Variants in MACF1 observed in about 807,000 individuals in gnomAD.
MACF1 encodes microtubule actin crosslinking factor 1.
In MACF1, 193 loss-of-function variants were observed where a neutral mutation model predicts 854.8. That is an observed-to-expected ratio of 0.23 (90% CI 0.20 to 0.25). The LOEUF (loss-of-function observed/expected upper bound fraction) is 0.25, where lower values mean the gene tolerates loss of function less well. MACF1 is among the 10% of genes least tolerant of loss of function. The pLI is 1.00. For missense variants in MACF1, 7,722 were observed against 8,929.1 expected, an observed-to-expected ratio of 0.86 and a Z score of 5.45; for synonymous variants, 3,185 against 3,226.7, an observed-to-expected ratio of 0.99 and a Z score of 0.44.
At chr1:39,110,686 A>G (rs1473204260) in intron 2 of MACF1, among the ~76,000 whole-genome samples, 1 of 152,194 alleles carries the variant, frequency 6.6e-6, no homozygotes, top group Non-Finnish European at 1.5e-5. Context: ...GGAAATCACA[A>G]GTTTTGGCCA....
chr1:39,360,018 T>A (rs1440387778), intron 47 of MACF1, among the ~76,000 whole-genome samples: 339 of 30,370 alleles, frequency 0.011, 4 homozygotes, highest in African/African-American at 0.023. Flanking sequence ...AAAAAATATA[T>A]ATATATATAT....
intron 2 of MACF1, among the ~76,000 whole-genome samples, chr1:39,241,492 T>A (rs913083971): frequency 6.6e-6 from 1 of 151,912 alleles, no homozygotes; most frequent in Non-Finnish European, 1.5e-5. Flanking sequence ...AAACCCCGTC[T>A]CTACTAAAAA....
rs192893727 is a variant in MACF1 at position 39,118,508 on chromosome 1, T to G, written c.220+34070T>G. Among the ~76,000 whole-genome samples the G allele has an allele frequency of 7.9e-5, 12 of 152,344 alleles. No homozygotes were observed. In the East Asian group the frequency reaches 1.5e-3, roughly 20 times the overall value. On this transcript the variant is annotated intron_variant, in intron 2 of 93. Transcript: ENST00000361689. ...GTAACACTGCCTTTATTAGGAAGAATGAGGAACTGCCAAAGGGCTGGAAAT... is the reference window on the plus strand; with the variant it reads ...GTAACACTGCCTTTATTAGGAAGAAGGAGGAACTGCCAAAGGGCTGGAAAT...
In MACF1 at chr1:39,332,262, C is replaced by T. The variant is rs1398543827; in HGVS notation, c.5674C>T (p.Pro1892Ser). The stretch of plus-strand genomic sequence containing the variant: ...ACAGCATATTAAGGCTCTGTTTCTA[C>T]CAGCAACCACAGAGATTTTGTCCTG... ...NRQHIKALFL[P>S]ATTEILSWKK... The change falls in exon 37 of 101, where the codon CCA becomes TCA. Residue 1892 changes from proline to serine, a missense_variant. Pro to Ser is a moderately conservative substitution (Grantham distance 74, BLOSUM62 -1). Coordinates refer to ENST00000564288, the MANE Select transcript of MACF1 (RefSeq NM_001394062.1). 3.1e-6 allele frequency: 5 copies of T among 1,613,836 alleles called. No homozygotes were observed. The highest frequency in any genetic ancestry group is 3.3e-5 in the Admixed American group (2 of 60,014).
At chr1:39,479,011 T>C (rs759979634) in intron 97 of MACF1, among the ~76,000 whole-genome samples, 15 of 152,262 alleles carry the variant, frequency 9.9e-5, no homozygotes, top group Non-Finnish European at 1.5e-4. Context: ...TTTTGTTGGC[T>C]GTGCGTGAGA....
intron 58 of MACF1, among the ~76,000 whole-genome samples, chr1:39,394,033 C>T (rs922704284): frequency 1.3e-5 from 2 of 152,122 alleles, no homozygotes; most frequent in African/African-American, 4.8e-5. Context: ...AGCACCCAAA[C>T]CAGTTGGTCT....
intron 58 of MACF1, among the ~76,000 whole-genome samples, chr1:39,394,272 TTGA>T (rs397979936): frequency 7.0e-6 from 1 of 142,664 alleles, no homozygotes; most frequent in African/African-American, 3.0e-5. Flanking sequence ...GATTGATTGA[TTGA>T]TTTATTGCCA....
chr1:39,388,174 G>A lies in MACF1; in HGVS notation c.15332G>A (p.Cys5111Tyr), dbSNP rs1557625123. Residue 5111 changes from cysteine to tyrosine, a missense_variant, in exon 58 of 101, where the codon TGT becomes TAT. By Grantham distance (194) the Cys-to-Tyr change is radical. Transcript: ENST00000564288. ...LEVKQRVNSG[C>Y]VMMENKLEGI... ...GTTAAGCAAAGAGTGAACAGTGGTT[G>A]TGTGATGATGGAAAACAAGCTGGAG... 1 of 1,614,196 alleles carries A rather than the reference G, an allele frequency of 6.2e-7. No homozygotes were observed. The highest frequency in any genetic ancestry group is 8.5e-7 in the Non-Finnish European group (1 of 1,180,034).
chr1:39,451,342 G>T, intron 85 of MACF1, 131 bp downstream of exon 85: 1 of 943,906 alleles, frequency 1.1e-6, no homozygotes, highest in South Asian at 2.5e-5. Context: ...TGCTTTGTGT[G>T]TTTAAACAAA....
intron 80 of MACF1, 143 bp downstream of exon 80, chr1:39,444,978 CA>C: frequency 3.1e-6 from 2 of 637,986 alleles, no homozygotes; most frequent in Non-Finnish European, 5.1e-6. Flanking sequence ...TGTTGAGTTG[CA>C]TTGATGGTAT....
Position 39,283,390 on chromosome 1 carries a change from C to A in MACF1, c.809-19C>A. On this transcript the variant is annotated intron_variant, in intron 8 of 100. Transcript: ENST00000564288. This position sits in a 1 kb window ranked among gnomAD's most constrained non-coding sequence, Gnocchi z 4.5. ...TTCCTTTGTTCTGACTAAGAAATTT[C>A]TTGTCCATTCTCTCTCAGATGTGGA... The A allele has an allele frequency of 6.3e-7, 1 of 1,592,538 alleles. No individual in the cohort carries two copies. Among genetic ancestry groups the A allele is most frequent in the Non-Finnish European group, 8.6e-7 (1 of 1,160,450 alleles).
At chr1:39,411,218 A>G (rs1256589653) in intron 58 of MACF1, 1 of 1,613,848 alleles carries the variant, frequency 6.2e-7, no homozygotes, top group Middle Eastern at 1.6e-4. Context: ...ACAGAGTCTG[A>G]GCTAAAGTTT....
chr1:39,250,445 T>G (rs1046006558), intron 3 of MACF1, among the ~76,000 whole-genome samples: 13 of 152,148 alleles, frequency 8.5e-5, no homozygotes, highest in Admixed American at 8.5e-4. Flanking sequence ...TTGAATTAGG[T>G]GTATTTTTCT....
intron 6 of MACF1, chr1:39,269,729 G>A (rs1255896563): frequency 7.8e-7 from 1 of 1,285,116 alleles, no homozygotes; most frequent in South Asian, 1.2e-5. Context: ...AGGTAGGTGG[G>A]CATGTTCAAG....
chr1:39,412,972 G>T, intron 58 of MACF1: 1 of 1,589,480 alleles, frequency 6.3e-7, no homozygotes, highest in Non-Finnish European at 8.6e-7. Flanking sequence ...TGCAGTATCA[G>T]CCCCAGAGAG....
At chr1:39,458,577 AT>A (rs1644488958) in intron 90 of MACF1, 87 bp downstream of exon 90, 2 of 1,473,382 alleles carry the variant, frequency 1.4e-6, no homozygotes, top group East Asian at 4.6e-5. Flanking sequence ...AAAAAATTAT[AT>A]TCCATTTTCA....
chr1:39,355,335 A>G (rs532579352), intron 44 of MACF1, among the ~76,000 whole-genome samples: 5 of 152,208 alleles, frequency 3.3e-5, no homozygotes, highest in Non-Finnish European at 4.4e-5. Flanking sequence ...TTATAGGTAG[A>G]TGAGTTGGAA....
chr1:39,326,553 C>G (rs1166998311), intron 35 of MACF1, among the ~76,000 whole-genome samples: 1 of 151,578 alleles, frequency 6.6e-6, no homozygotes, highest in Non-Finnish European at 1.5e-5. Context: ...TGGTGGCGGG[C>G]ACGTGTAATC....
chr1:39,485,863 T>C lies in MACF1; in HGVS notation c.*69T>C, dbSNP rs1645095459. ...CTCCATACATTGGGTGTATATTTAT[T>C]CTGAACGGGAGAAGTTATATTGTTA... On this transcript the variant is annotated 3_prime_UTR_variant, in exon 101 of 101. Transcript: ENST00000564288. The C allele has an allele frequency of 7.0e-7, 1 of 1,434,674 alleles. No individual in the cohort carries two copies. Among genetic ancestry groups the C allele is most frequent in the Non-Finnish European group, 9.3e-7 (1 of 1,080,392 alleles). The allele number at this position is 1,434,674 out of a possible 1,614,324, so 88.9% of individuals were successfully genotyped here.
Sources: allele counts gnomAD v4.1 joint callset (sites outside exome capture counted in the v4.1 genomes callset), GRCh38; gene constraint gnomAD v4.1.1; non-coding constraint Gnocchi (gnomAD v3.1); transcripts MANE v1.5; gene names NCBI Gene and HGNC (gene_info 2026-07-23, HGNC 2026-07-21).